SLC1A3: variants seen among roughly 807,000 people sequenced by gnomAD.
The protein encoded by SLC1A3 is excitatory amino acid transporter 1.
Under a neutral mutation model 48.1 loss-of-function variants are expected in SLC1A3, and 21 were observed. The ratio of observed to expected loss-of-function variants is 0.44; its 90% CI spans 0.31 to 0.63. The LOEUF is 0.63. SLC1A3 is among the 20% of genes least tolerant of loss of function. SLC1A3 has a pLI of 0.08. For synonymous variants in SLC1A3, 239 were observed against 251.4 expected, an observed-to-expected ratio of 0.95 and a Z score of 0.47; for missense variants, 546 against 689.0, an observed-to-expected ratio of 0.79 and a Z score of 2.32.
At chr5:36,616,931 C>G (rs1186093495) in intron 2 of SLC1A3, among the ~76,000 whole-genome samples, 5 of 152,078 alleles carry the variant, frequency 3.3e-5, no homozygotes, top group African/African-American at 1.2e-4. Context: ...TAGATTTGCC[C>G]TTTTAGGGCA....
intron 3 of SLC1A3, among the ~76,000 whole-genome samples, chr5:36,664,857 G>A (rs1741667525): frequency 6.6e-6 from 1 of 152,164 alleles, no homozygotes; most frequent in Admixed American, 6.5e-5. Context: ...AGCAAAACAG[G>A]GAAAATAATA....
intron 2 of SLC1A3, among the ~76,000 whole-genome samples, chr5:36,609,828 AT>A (rs1463381322): frequency 6.6e-6 from 1 of 152,286 alleles, no homozygotes; most frequent in South Asian, 2.1e-4. Flanking sequence ...CCTGGGTGAA[AT>A]ATTTCAGTCC....
At chr5:36,645,388 G>A (rs990950262) in intron 3 of SLC1A3, among the ~76,000 whole-genome samples, 12 of 134,910 alleles carry the variant, frequency 8.9e-5, no homozygotes, top group Non-Finnish European at 1.2e-4. Context: ...GTGCAGTGGC[G>A]TGTTCTCGGC....
rs369119814 is a variant in SLC1A3, at chr5:36,680,456, G to A, written c.1156G>A (p.Val386Ile). 140 of 1,614,170 alleles carry A rather than the reference G, an allele frequency of 8.7e-5. No homozygotes were observed. Among genetic ancestry groups the A allele is most frequent in the African/African-American group, 1.1e-4 (8 of 75,044 alleles). The change falls in exon 8 of 10, where the codon GTC (valine) becomes ATC (isoleucine). Residue 386 changes from valine to isoleucine, a missense_variant. Physicochemically the swap from Val to Ile is conservative, Grantham distance 29 (BLOSUM62 3). Around this residue, in one of 3 missense-constraint regions of SLC1A3, gnomAD observed 142 missense variants for 238.0 expected, o/e 0.60. Coordinates refer to ENST00000265113, the MANE Select transcript of SLC1A3 (RefSeq NM_004172.5). ...LEENNGVDKRVTRFVLPVGAT... is the reference protein window; with the variant it reads ...LEENNGVDKRITRFVLPVGAT... ...AGAGAACAATGGCGTGGACAAGCGC[G>A]TCACCAGATTCGTGCTCCCCGTAGG...
At chr5:36,675,511 G>A (rs1185144307) in intron 5 of SLC1A3, among the ~76,000 whole-genome samples, 1 of 152,184 alleles carries the variant, frequency 6.6e-6, no homozygotes, top group Non-Finnish European at 1.5e-5. Flanking sequence ...GAAAGAAAAT[G>A]TTTCTCCCCA....
intron 3 of SLC1A3, chr5:36,669,904 T>C (rs1229793752): frequency 1.3e-5 from 2 of 151,952 alleles, no homozygotes; most frequent in East Asian, 3.9e-4. Flanking sequence ...ATACTCGTCA[T>C]TGAAATACAG....
chr5:36,609,087 TTTTATGTG>T, intron 2 of SLC1A3: 2 of 987,912 alleles, frequency 2.0e-6, no homozygotes, highest in Non-Finnish European at 2.4e-6. Flanking sequence ...AGACCGAATA[TTTTATGTG>T]TTTGCACTCT....
At chr5:36,637,239 G>A (rs552564911) in intron 3 of SLC1A3, among the ~76,000 whole-genome samples, 7 of 152,288 alleles carry the variant, frequency 4.6e-5, no homozygotes, top group South Asian at 2.1e-4. Context: ...GGTTGGGTCC[G>A]CTGCTTTACC....
upstream of SLC1A3, among the ~76,000 whole-genome samples, chr5:36,602,733 C>T (rs1030162382): frequency 6.6e-6 from 1 of 152,172 alleles, no homozygotes. Flanking sequence ...TGGGGGGGTT[C>T]CTCTTGCTGG....
At chr5:36,601,719 A>AC (rs1738810248), upstream of SLC1A3, among the ~76,000 whole-genome samples, 3 of 137,150 alleles carry the variant, frequency 2.2e-5, no homozygotes, top group Admixed American at 7.6e-5. Context: ...AATCCCACCC[A>AC]CCCCCCATTC....
chr5:36,598,297 T>C (rs1475308288), intron 1 of SLC1A3, among the ~76,000 whole-genome samples: 1 of 152,200 alleles, frequency 6.6e-6, no homozygotes, highest in Non-Finnish European at 1.5e-5. Flanking sequence ...GACAAGTAAA[T>C]GAGGCAAATA....
chr5:36,624,861 A>C (rs1739839259), intron 2 of SLC1A3, among the ~76,000 whole-genome samples: 1 of 152,206 alleles, frequency 6.6e-6, no homozygotes, highest in Admixed American at 6.5e-5. Flanking sequence ...TTCAGCAAGT[A>C]AGAAGACCTG....
chr5:36,677,689 T>C (rs1218034801), intron 6 of SLC1A3, among the ~76,000 whole-genome samples: 1 of 152,202 alleles, frequency 6.6e-6, no homozygotes, highest in African/African-American at 2.4e-5. Context: ...GGCACAAAGT[T>C]TGCCTTGGAT....
chr5:36,605,522 A>AG (rs1489502486), upstream of SLC1A3, among the ~76,000 whole-genome samples: 1 of 152,162 alleles, frequency 6.6e-6, no homozygotes, highest in Admixed American at 6.5e-5. Context: ...ATTTGTATTG[A>AG]GGGGAAAAAA....
intron 3 of SLC1A3, among the ~76,000 whole-genome samples, chr5:36,670,225 C>A (rs929510396): frequency 1.3e-5 from 2 of 152,106 alleles, no homozygotes; most frequent in Non-Finnish European, 2.9e-5. Context: ...AGGATGACAC[C>A]TTGCCTGAGG....
intron 3 of SLC1A3, among the ~76,000 whole-genome samples, chr5:36,651,759 G>T (rs912570096): frequency 1.3e-5 from 2 of 152,046 alleles, no homozygotes; most frequent in Non-Finnish European, 2.9e-5. Context: ...ATTTTGTTCA[G>T]CTCTCCATCC....
chr5:36,632,821 C>T (rs920256941), intron 3 of SLC1A3, among the ~76,000 whole-genome samples: 3 of 152,160 alleles, frequency 2.0e-5, no homozygotes, highest in East Asian at 1.9e-4. Context: ...TTGAAACATC[C>T]GTGTTTATGA....
At chr5:36,608,625 CA>C (rs3216728) in intron 2 of SLC1A3, 21 bp downstream of exon 2, 6 of 1,609,190 alleles carry the variant, frequency 3.7e-6, no homozygotes, top group Non-Finnish European at 2.5e-6. Flanking sequence ...TGATTAAAAA[CA>C]AAAAAACCTG....
chr5:36,612,062 C>T (rs995388018), intron 2 of SLC1A3, among the ~76,000 whole-genome samples: 49 of 150,212 alleles, frequency 3.3e-4, no homozygotes, highest in African/African-American at 1.1e-3. Context: ...TTGGTCTTGG[C>T]GCACGCGCAC....
Sources: allele counts gnomAD v4.1 joint callset (sites outside exome capture counted in the v4.1 genomes callset), GRCh38; gene constraint gnomAD v4.1.1; regional missense constraint gnomAD v4.1.1; transcripts MANE v1.5; gene names NCBI Gene and HGNC (gene_info 2026-07-23, HGNC 2026-07-21).